PCDHGA12: variants seen among roughly 807,000 people sequenced by gnomAD.
PCDHGA12 encodes the protein protocadherin gamma subfamily A, 12, also known as protocadherin gamma-A12.
Under a neutral mutation model 61.1 loss-of-function variants are expected in PCDHGA12, and 43 were observed. The ratio of observed to expected loss-of-function variants is 0.70; its 90% CI spans 0.55 to 0.91. PCDHGA12 has a LOEUF of 0.91. Among genes scored for constraint, PCDHGA12 ranks in the 40% least tolerant of loss-of-function variants. The pLI is 0.00. For missense variants in PCDHGA12, 1,236 were observed against 1,227.7 expected, an observed-to-expected ratio of 1.01 and a Z score of -0.10; for synonymous variants, 520 against 542.9, an observed-to-expected ratio of 0.96 and a Z score of 0.59.
chr5:141,485,070 G>A lies in PCDHGA12; in HGVS notation c.2425-9737G>A. On this transcript the variant is annotated intron_variant, in intron 1 of 3. Coordinates refer to ENST00000252085, the MANE Select transcript of PCDHGA12 (RefSeq NM_003735.3). The surrounding 1 kb of genome is among the most constrained non-coding windows in gnomAD (Gnocchi z 5.7). ...CGCCGGCCGAACCGCGCCAGAGCTG[G>A]CGCGGGGAAAGGGAGATAGGTGTCT... is the stretch of plus-strand genomic sequence containing the variant. The A allele has an allele frequency of 1.1e-6, 1 of 908,406 alleles. No individual in the cohort carries two copies. Among genetic ancestry groups the A allele is most frequent in the Non-Finnish European group, 1.7e-6 (1 of 580,008 alleles). 56.3% of individuals were successfully genotyped at this position (908,406 alleles called of 1,614,324 possible). A position where few individuals can be genotyped will look rare whatever the true frequency, so the allele number is the denominator to read the frequency against.
rs888556794 is a variant in PCDHGA12 at position 141,493,414 on chromosome 5, A to T, written c.2425-1393A>T. Among the ~76,000 whole-genome samples, 2 of 152,058 alleles carry T rather than the reference A, an allele frequency of 1.3e-5. No individual in the cohort carries two copies. Among genetic ancestry groups the T allele is most frequent in the Admixed American group, 6.6e-5 (1 of 15,248 alleles). ...GGAGAGGGGAGTTGCCTCTGCTGGG[A>T]TTTTGCTTCTGCTGGGATGGGGCAA... On this transcript the variant is annotated intron_variant, in intron 1 of 3. Coordinates refer to ENST00000252085, the MANE Select transcript of PCDHGA12 (RefSeq NM_003735.3). The surrounding 1 kb of genome is among the most constrained non-coding windows in gnomAD (Gnocchi z 4.3).
chr5:141,460,037 C>A (rs1203902962), intron 1 of PCDHGA12, among the ~76,000 whole-genome samples: 1 of 152,120 alleles, frequency 6.6e-6, no homozygotes, highest in African/African-American at 2.4e-5. Context: ...GAGACTGCAC[C>A]ACTGCACTCC....
Position 141,432,837 on chromosome 5 carries a change from T to C in PCDHGA12, c.2078T>C (p.Leu693Pro). The change falls in exon 1 of 4, where the codon CTG becomes CCG. Residue 693 changes from leucine (L) to proline (P), a missense_variant. By Grantham distance (98) the Leu-to-Pro change is moderately conservative. Transcript: ENST00000252085. This position sits in a 1 kb window ranked among gnomAD's most constrained non-coding sequence, Gnocchi z 6.0. ...NSETSDLTLYLVVAVAAVSCV... is the reference protein window; with the variant it reads ...NSETSDLTLYPVVAVAAVSCV... ...GAAACCTCAGACCTCACTCTGTACC[T>C]GGTGGTAGCGGTGGCCGCGGTCTCC... The C allele has an allele frequency of 6.2e-7, 1 of 1,614,180 alleles. No individual in the cohort carries two copies. Among genetic ancestry groups the C allele is most frequent in the Non-Finnish European group, 8.5e-7 (1 of 1,180,004 alleles).
chr5:141,455,787 C>T (rs1259121501), intron 1 of PCDHGA12, among the ~76,000 whole-genome samples: 2 of 152,004 alleles, frequency 1.3e-5, no homozygotes, highest in Non-Finnish European at 2.9e-5. Flanking sequence ...GAAACTTTTC[C>T]GGAGATGCTT....
Position 141,478,407 on chromosome 5 carries a change from C to T in PCDHGA12, c.2425-16400C>T. On this transcript the variant is annotated intron_variant, in intron 1 of 3. Coordinates refer to ENST00000252085, the MANE Select transcript of PCDHGA12 (RefSeq NM_003735.3). The stretch of plus-strand genomic sequence containing the variant: ...CTTTACCATCAGGTGTATCTCACCA[C>T]GGACTCCCGCCGCAGCGACCCGCTG... 1.9e-6 allele frequency: 3 copies of T among 1,613,272 alleles called. No individual in the cohort carries two copies. The highest frequency in any genetic ancestry group is 1.3e-5 in the African/African-American group (1 of 75,072).
chr5:141,485,886 A>G lies in PCDHGA12; in HGVS notation c.2425-8921A>G. 1.9e-6 allele frequency: 3 copies of G among 1,614,132 alleles called. No individual in the cohort carries two copies. Among genetic ancestry groups the G allele is most frequent in the Non-Finnish European group, 2.5e-6 (3 of 1,180,016 alleles). On this transcript the variant is annotated intron_variant, in intron 1 of 3. Transcript: ENST00000252085. This position sits in a 1 kb window ranked among gnomAD's most constrained non-coding sequence, Gnocchi z 5.7. ...GTATCCGTGCTGGACGTAAACGACAACGCCCCAGCCTTCCAGCAATCCAGC... is the reference window on the plus strand; with the variant it reads ...GTATCCGTGCTGGACGTAAACGACAGCGCCCCAGCCTTCCAGCAATCCAGC...
intron 2 of PCDHGA12, among the ~76,000 whole-genome samples, chr5:141,500,310 G>A (rs1327269551): frequency 6.6e-6 from 1 of 151,740 alleles, no homozygotes; most frequent in Non-Finnish European, 1.5e-5. Flanking sequence ...CCAGGTTCAC[G>A]CCATGCTCCT....
At chr5:141,433,847 A>AAAAAAAC (rs1296633381) in intron 1 of PCDHGA12, among the ~76,000 whole-genome samples, 1 of 151,976 alleles carries the variant, frequency 6.6e-6, no homozygotes, top group Non-Finnish European at 1.5e-5. Flanking sequence ...CAAAAAAAAA[A>AAAAAAAC]AAAAAAAACT....
chr5:141,481,913 CAAAAAA>C (rs34114744), intron 1 of PCDHGA12, among the ~76,000 whole-genome samples: 1 of 90,850 alleles, frequency 1.1e-5, no homozygotes. Flanking sequence ...AACTCCATCT[CAAAAAA>C]AAAAAAAAAA....
At position 141,438,631 on chromosome 5, in the gene PCDHGA12, T is replaced by C. The variant is rs1227796079; in HGVS notation, c.2424+5448T>C. 6.5e-4 allele frequency among the ~76,000 whole-genome samples: 28 copies of C among 43,202 alleles called. 1 individual carries two copies. Among genetic ancestry groups the C allele is most frequent in the Non-Finnish European group, 8.8e-4 (23 of 26,272 alleles). 28.3% of individuals were successfully genotyped at this position (43,202 alleles called of 152,430 possible). On this transcript the variant is annotated intron_variant, in intron 1 of 3. Transcript: ENST00000252085. ...ATATATATATATATATATATATATATATATACACACACACACACACATATA... is the reference window on the plus strand; with the variant it reads ...ATATATATATATATATATATATATACATATACACACACACACACACATATA...
chr5:141,492,487 C>T (rs1031047955), intron 1 of PCDHGA12, among the ~76,000 whole-genome samples: 1 of 152,222 alleles, frequency 6.6e-6, no homozygotes, highest in Non-Finnish European at 1.5e-5. Context: ...CGCCCAGGAC[C>T]AGGCGAGGAC....
chr5:141,433,401 A>ATCTATCTATCTATCTC (rs1444244130), intron 1 of PCDHGA12, among the ~76,000 whole-genome samples: 1 of 150,482 alleles, frequency 6.6e-6, no homozygotes, highest in African/African-American at 2.4e-5. Context: ...CTATCTATCT[A>ATCTATCTATCTATCTC]TCTATTACTT....
intron 1 of PCDHGA12, among the ~76,000 whole-genome samples, chr5:141,481,678 G>A (rs1033213047): frequency 6.6e-6 from 1 of 152,006 alleles, no homozygotes; most frequent in African/African-American, 2.4e-5. Flanking sequence ...ATCAGGCCGG[G>A]CCTGGTGGCT....
chr5:141,500,148 G>T (rs936567158), intron 2 of PCDHGA12, among the ~76,000 whole-genome samples: 6 of 150,990 alleles, frequency 4.0e-5, no homozygotes, highest in African/African-American at 1.5e-4. Flanking sequence ...ACTTTTCTTT[G>T]TGTAATCAAA....
At chr5:141,482,530 C>CAAAAAAAAAAAAAAA (rs3074545) in intron 1 of PCDHGA12, among the ~76,000 whole-genome samples, 1 of 76,562 alleles carries the variant, frequency 1.3e-5, no homozygotes, top group African/African-American at 4.8e-5. Flanking sequence ...GACAGACATG[C>CAAAAAAAAAAAAAAA]AAAAAAAAAA....
In PCDHGA12 at chr5:141,486,341, C is replaced by T; in HGVS notation, c.2425-8466C>T. On this transcript the variant is annotated intron_variant, in intron 1 of 3. Coordinates refer to ENST00000252085, the MANE Select transcript of PCDHGA12 (RefSeq NM_003735.3). The surrounding 1 kb of genome is among the most constrained non-coding windows in gnomAD (Gnocchi z 5.0). ...AAACGGAGATGTGAGCCTCCGCATTCCTGACCACTTGCCATTTGCCCTCAA... is the reference window on the plus strand; with the variant it reads ...AAACGGAGATGTGAGCCTCCGCATTTCTGACCACTTGCCATTTGCCCTCAA... The T allele has an allele frequency of 6.2e-7, 1 of 1,614,128 alleles. No individual in the cohort carries two copies. Among genetic ancestry groups the T allele is most frequent in the Non-Finnish European group, 8.5e-7 (1 of 1,179,992 alleles).
intron 2 of PCDHGA12, among the ~76,000 whole-genome samples, chr5:141,498,421 A>C (rs1328848787): frequency 6.6e-6 from 1 of 152,016 alleles, no homozygotes; most frequent in Non-Finnish European, 1.5e-5. Flanking sequence ...CTGGCACTGG[A>C]GTGAGGGGAT....
intron 1 of PCDHGA12, among the ~76,000 whole-genome samples, chr5:141,459,312 G>A (rs968359414): frequency 6.6e-6 from 1 of 152,084 alleles, no homozygotes; most frequent in African/African-American, 2.4e-5. Flanking sequence ...ATACTATTTT[G>A]TATCCATCTT....
chr5:141,433,289 G>A, intron 1 of PCDHGA12, 106 bp downstream of exon 1: 1 of 1,130,682 alleles, frequency 8.8e-7, no homozygotes, highest in Non-Finnish European at 1.3e-6. Flanking sequence ...AAACTCCTAG[G>A]CTCAAGCAAT....
Sources: gnomAD v4.1 joint callset for allele counts (sites outside exome capture counted in the v4.1 genomes callset) on GRCh38, gnomAD v4.1.1 for gene constraint, Gnocchi (gnomAD v3.1) non-coding constraint, MANE v1.5 for transcripts, NCBI Gene and HGNC (gene_info 2026-07-23, HGNC 2026-07-21) for gene names.